Variants in TBC1D5 observed in about 807,000 individuals in gnomAD.
TBC1D5 encodes the protein TBC1 domain family member 5.
In TBC1D5, 75 loss-of-function variants were observed where a neutral mutation model predicts 100.3. The ratio of observed to expected loss-of-function variants is 0.75; its 90% CI spans 0.62 to 0.91. TBC1D5 has a LOEUF of 0.91. Among genes scored for constraint, TBC1D5 ranks in the 40% least tolerant of loss-of-function variants. The probability of loss-of-function intolerance (pLI) is 0.00; values close to 1 mark genes in which losing one functional copy is unlikely to be tolerated. For missense variants in TBC1D5, 910 were observed against 942.4 expected, an observed-to-expected ratio of 0.97 and a Z score of 0.45; for synonymous variants, 323 against 325.6, an observed-to-expected ratio of 0.99 and a Z score of 0.09.
In TBC1D5 at chr3:17,329,231, G is replaced by T. The variant is rs80309258; in HGVS notation, c.996-21097C>A. Among the ~76,000 whole-genome samples the T allele has an allele frequency of 3.0e-4, 45 of 152,252 alleles. No homozygotes were observed. In the East Asian group the frequency reaches 8.1e-3, roughly 27 times the overall value. ...ATAACTTGATTACTTCAGAATTATT[G>T]TTCTAAGTCTTCATTATGTCATCCA... On this transcript the variant is annotated intron_variant, in intron 13 of 21. Coordinates refer to ENST00000253692, the Ensembl canonical transcript of TBC1D5.
chr3:17,608,898 C>T (rs1184523780), intron 2 of TBC1D5, among the ~76,000 whole-genome samples: 2 of 152,190 alleles, frequency 1.3e-5, no homozygotes, highest in Non-Finnish European at 2.9e-5. Flanking sequence ...AAGAGTATCA[C>T]TTTGTAGCTG....
chr3:17,669,739 G>A (rs1047786956), intron 1 of TBC1D5, among the ~76,000 whole-genome samples: 1 of 152,162 alleles, frequency 6.6e-6, no homozygotes, highest in Non-Finnish European at 1.5e-5. Flanking sequence ...GTTGTTTCAG[G>A]GGGCTGGCAC....
At chr3:17,477,747 T>A (rs2095455473) in intron 3 of TBC1D5, among the ~76,000 whole-genome samples, 1 of 152,076 alleles carries the variant, frequency 6.6e-6, no homozygotes, top group Admixed American at 6.5e-5. Flanking sequence ...GTATACACAT[T>A]ACCCATAATA....
intron 1 of TBC1D5, among the ~76,000 whole-genome samples, chr3:17,626,061 AG>A (rs2063029230): frequency 6.6e-6 from 1 of 152,152 alleles, no homozygotes; most frequent in Non-Finnish European, 1.5e-5. Flanking sequence ...ATGTGTATTT[AG>A]AAGAAAAGAA....
At chr3:17,590,137 G>T (rs182551106) in intron 2 of TBC1D5, among the ~76,000 whole-genome samples, 2 of 152,328 alleles carry the variant, frequency 1.3e-5, no homozygotes, top group East Asian at 3.9e-4. Flanking sequence ...GAGGTTGAGA[G>T]TGTGACCCAT....
At chr3:17,314,502 T>C (rs1271461280) in intron 13 of TBC1D5, among the ~76,000 whole-genome samples, 1 of 152,140 alleles carries the variant, frequency 6.6e-6, no homozygotes, top group Non-Finnish European at 1.5e-5. Context: ...TGAACTCTAG[T>C]TCCCTGCATG....
chr3:17,484,312 G>C (rs1281089206), intron 3 of TBC1D5, among the ~76,000 whole-genome samples: 2 of 152,108 alleles, frequency 1.3e-5, no homozygotes, highest in African/African-American at 2.4e-5. Flanking sequence ...GTTTACTATG[G>C]TGTGCATAGA....
At chr3:17,593,040 G>A (rs1244832592) in intron 2 of TBC1D5, among the ~76,000 whole-genome samples, 2 of 152,032 alleles carry the variant, frequency 1.3e-5, no homozygotes, top group East Asian at 1.9e-4. Flanking sequence ...ACACATGATC[G>A]GACTCAAGCA....
At chr3:17,172,723 G>A (rs6764587) in intron 19 of TBC1D5, among the ~76,000 whole-genome samples, 1 of 152,152 alleles carries the variant, frequency 6.6e-6, no homozygotes, top group Non-Finnish European at 1.5e-5. Context: ...AATAGATCTC[G>A]AACTCTCAGG....
At chr3:17,351,521 T>C (rs891357332) in intron 13 of TBC1D5, among the ~76,000 whole-genome samples, 1 of 151,334 alleles carries the variant, frequency 6.6e-6, no homozygotes, top group Admixed American at 6.6e-5. Context: ...TAAGTGGGAG[T>C]TGAACAATGA....
chr3:17,691,903 T>C (rs2071232962), intron 1 of TBC1D5, among the ~76,000 whole-genome samples: 1 of 148,354 alleles, frequency 6.7e-6, no homozygotes, highest in Non-Finnish European at 1.5e-5. Flanking sequence ...TTCCAAGATA[T>C]ACTACCGAAG....
intron 2 of TBC1D5, among the ~76,000 whole-genome samples, chr3:17,559,151 CTTTTT>C (rs71950189): frequency 6.7e-6 from 1 of 148,534 alleles, no homozygotes; most frequent in African/African-American, 2.5e-5. Flanking sequence ...AAATGTAAAA[CTTTTT>C]TTTTTAAGAC....
intron 1 of TBC1D5, among the ~76,000 whole-genome samples, chr3:17,730,501 A>G (rs1000776459): frequency 6.6e-6 from 1 of 152,228 alleles, no homozygotes; most frequent in Non-Finnish European, 1.5e-5. Flanking sequence ...TACCTCTAGT[A>G]AATAGCCCTA....
At chr3:17,371,924 C>T (rs780404590) in intron 13 of TBC1D5, 151 bp downstream of exon 13, 42 of 613,770 alleles carry the variant, frequency 6.8e-5, no homozygotes, top group African/African-American at 1.9e-4. Flanking sequence ...GTGGTACCAG[C>T]TACTTGGGAA....
intron 15 of TBC1D5, among the ~76,000 whole-genome samples, chr3:17,266,120 C>T (rs1308440141): frequency 1.3e-5 from 2 of 152,040 alleles, no homozygotes; most frequent in Non-Finnish European, 2.9e-5. Context: ...TTTGTCTTTT[C>T]TTTTGCCTGT....
intron 17 of TBC1D5, among the ~76,000 whole-genome samples, chr3:17,221,759 C>T (rs941858365): frequency 6.6e-6 from 1 of 152,194 alleles, no homozygotes; most frequent in African/African-American, 2.4e-5. Flanking sequence ...CAGATTCTTC[C>T]TCAGAGCCTC....
intron 15 of TBC1D5, among the ~76,000 whole-genome samples, chr3:17,263,487 A>C (rs2149515375): frequency 6.6e-6 from 1 of 152,320 alleles, no homozygotes; most frequent in African/African-American, 2.4e-5. Flanking sequence ...TCCTAGGCCA[A>C]CCAGGATGGG....
chr3:17,495,104 G>T (rs981451786), intron 3 of TBC1D5, among the ~76,000 whole-genome samples: 2 of 152,212 alleles, frequency 1.3e-5, no homozygotes, highest in African/African-American at 4.8e-5. Context: ...TGCCTAGTCA[G>T]TTCCAATGAG....
chr3:17,638,834 A>G (rs955525761), intron 1 of TBC1D5, among the ~76,000 whole-genome samples: 2 of 152,106 alleles, frequency 1.3e-5, no homozygotes. Context: ...TTAAGTTATA[A>G]AAGAATATAT....
Sources: allele counts gnomAD v4.1 joint callset (sites outside exome capture counted in the v4.1 genomes callset), GRCh38; gene constraint gnomAD v4.1.1; transcripts MANE v1.5; gene names NCBI Gene and HGNC (gene_info 2026-07-23, HGNC 2026-07-21).